The following PRSS21 variants were observed in gnomAD, a reference collection of about 807,000 sequenced individuals.
PRSS21 encodes the protein testisin.
Under a neutral mutation model 31.1 loss-of-function variants are expected in PRSS21, and 40 were observed. The ratio of observed to expected loss-of-function variants is 1.29; its 90% CI spans 1.00 to 1.68. PRSS21 has a LOEUF of 1.68. Ranked by LOEUF, PRSS21 falls within the 40% of genes most tolerant of loss-of-function variation. PRSS21 has a pLI of 0.00. For synonymous variants in PRSS21, 186 were observed against 167.7 expected (o/e 1.11, Z -0.84); for missense variants, 467 against 412.6 (o/e 1.13, Z -1.14).
Position 2,819,907 on chromosome 16 carries a change from A to C in PRSS21, c.550+938A>C, listed in dbSNP as rs374888373. Among the ~76,000 whole-genome samples the C allele has an allele frequency of 3.3e-4, 51 of 152,264 alleles. No individual in the cohort carries two copies. The East Asian group carries it at 7.5e-3, about 23-fold the overall frequency. ...GGCAGTTGGGAGTGGGGAACTCAGC[A>C]CTGGAGCCGCCTCCCTCTGGAGGAG... On this transcript the variant is annotated intron_variant, in intron 4 of 5. Transcript: ENST00000005995.
Position 2,817,622 on chromosome 16 carries a change from C to A in PRSS21, c.91+166C>A. The A allele has an allele frequency of 7.8e-7, 1 of 1,276,694 alleles. No individual in the cohort carries two copies. The highest frequency in any genetic ancestry group is 1.1e-6 in the Non-Finnish European group (1 of 941,314). The allele number at this position is 1,276,694 out of a possible 1,614,324, so 79.1% of individuals were successfully genotyped here. A position where few individuals can be genotyped will look rare whatever the true frequency, so the allele number is the denominator to read the frequency against. On this transcript the variant is annotated intron_variant, in intron 2 of 5. Transcript: ENST00000005995. The surrounding 1 kb of genome is among the most constrained non-coding windows in gnomAD (Gnocchi z 4.2). Reference sequence around the variant, plus strand: ...CTAACGGACGCTGGAGGGGGATGGGCGGGCCCTGCAGAGCACGTGGGAGGA... The same window carrying A: ...CTAACGGACGCTGGAGGGGGATGGGAGGGCCCTGCAGAGCACGTGGGAGGA...
At chr16:2,820,510 G>A (rs1357591549) in intron 4 of PRSS21, among the ~76,000 whole-genome samples, 2 of 152,234 alleles carry the variant, frequency 1.3e-5, no homozygotes, top group South Asian at 4.1e-4. Context: ...GGTGCTGGGG[G>A]TCCCTAAGAG....
At chr16:2,821,167 A>T (rs1033284383) in intron 5 of PRSS21, 58 bp downstream of exon 5, 26 of 1,602,006 alleles carry the variant, frequency 1.6e-5, no homozygotes, top group Non-Finnish European at 2.0e-5. Context: ...CCTGTGCCTT[A>T]TTTGACCCTC....
intron 3 of PRSS21, 65 bp from the exon 4 acceptor site, chr16:2,818,612 C>A (rs1272291838): frequency 8.6e-6 from 13 of 1,509,256 alleles, no homozygotes; most frequent in Non-Finnish European, 1.2e-5. Context: ...GCACTGGACC[C>A]CAGTTGTGCT....
chr16:2,821,228 A>T (rs2069170071), intron 5 of PRSS21, 119 bp downstream of exon 5: 1 of 1,539,740 alleles, frequency 6.5e-7, no homozygotes, highest in Non-Finnish European at 8.8e-7. Flanking sequence ...AGATGCAGAA[A>T]CGGAGGCTTG....
rs779705343 is a variant in PRSS21 at position 2,817,484 on chromosome 16, G to A, written c.91+28G>A. On this transcript the variant is annotated intron_variant, in intron 2 of 5. Transcript: ENST00000005995. The surrounding 1 kb of genome is among the most constrained non-coding windows in gnomAD (Gnocchi z 4.2). ...AGGGCGCCCAGGACGCGCGATTCCT[G>A]CCAGGGCCGTTGGGCCGAGGTGGAC... 1 of 1,537,450 alleles carries A rather than the reference G, an allele frequency of 6.5e-7. No homozygotes were observed. The highest frequency in any genetic ancestry group is 2.6e-5 in the East Asian group (1 of 38,438).
At chr16:2,820,922 CTG>C (rs1293689418) in intron 4 of PRSS21, 31 bp from the exon 5 acceptor site, 2 of 1,606,370 alleles carry the variant, frequency 1.2e-6, no homozygotes, top group East Asian at 2.2e-5. Flanking sequence ...CCTCAGGTTG[CTG>C]TCTCTCTCCT....
intron 4 of PRSS21, 30 bp from the exon 5 acceptor site, chr16:2,820,921 GCTGT>G (rs1567275612): frequency 6.2e-7 from 1 of 1,605,862 alleles, no homozygotes; most frequent in Non-Finnish European, 8.5e-7. Flanking sequence ...GCCTCAGGTT[GCTGT>G]CTCTCTCCTT....
In PRSS21 at chr16:2,821,488, C is replaced by G; in HGVS notation, c.828C>G (p.His276Gln). 1 of 1,614,264 alleles carries G rather than the reference C, an allele frequency of 6.2e-7. No individual in the cohort carries two copies. Among genetic ancestry groups the G allele is most frequent in the Non-Finnish European group, 8.5e-7 (1 of 1,180,044 alleles). The part of the protein sequence containing the change: ...NRPGVYTNIS[H>Q]HFEWIQKLMA... ...CCGGTGTCTACACCAATATCAGCCA[C>G]CACTTTGAGTGGATCCAGAAGCTGA... is the stretch of plus-strand genomic sequence containing the variant. Residue 276 changes from histidine to glutamine, a missense_variant, in exon 6 of 6, where the codon CAC (histidine) becomes CAG (glutamine). His to Gln is a conservative substitution (Grantham distance 24). Coordinates refer to ENST00000005995, the MANE Select transcript of PRSS21 (RefSeq NM_006799.4).
chr16:2,819,640 C>T (rs998286132), intron 4 of PRSS21, among the ~76,000 whole-genome samples: 3 of 152,256 alleles, frequency 2.0e-5, no homozygotes, highest in East Asian at 1.9e-4. Context: ...CAATAACAAA[C>T]GTGGTTCCTT....
chr16:2,818,934 G>T lies in PRSS21; in HGVS notation c.515G>T (p.Trp172Leu). 1 of 1,614,206 alleles carries T rather than the reference G, an allele frequency of 6.2e-7. No homozygotes were observed. The highest frequency in any genetic ancestry group is 8.5e-7 in the Non-Finnish European group (1 of 1,180,022). ...GAGTTTGAGAACCGGACAGACTGCTGGGTGACTGGCTGGGGGTACATCAAA... is the reference window on the plus strand; with the variant it reads ...GAGTTTGAGAACCGGACAGACTGCTTGGTGACTGGCTGGGGGTACATCAAA... ...TFEFENRTDC[W>L]VTGWGYIKED... The change falls in exon 4 of 6, where the codon TGG (tryptophan) becomes TTG (leucine). Residue 172 changes from tryptophan to leucine, a missense_variant. Trp to Leu is a moderately conservative substitution (Grantham distance 61, BLOSUM62 -2). Transcript: ENST00000005995.
chr16:2,818,026 G>A, intron 3 of PRSS21, 60 bp downstream of exon 3: 2 of 1,502,598 alleles, frequency 1.3e-6, no homozygotes, highest in South Asian at 1.2e-5. Context: ...TGGAGGGAGT[G>A]CCACCGAACT....
Position 2,818,725 on chromosome 16 carries a change from G to C in PRSS21, c.306G>C (p.Gln102His), listed in dbSNP as rs1047527932. ...DPSGWMVQFG[Q>H]LTSMPSFWSL... The stretch of plus-strand genomic sequence containing the variant: ...CCGGGTGGATGGTCCAGTTTGGCCA[G>C]CTGACTTCCATGCCATCCTTCTGGA... The change falls in exon 4 of 6, where the codon CAG becomes CAC. Residue 102 changes from glutamine to histidine, a missense_variant. Physicochemically the swap from Gln to His is conservative, Grantham distance 24 (BLOSUM62 0). Coordinates refer to ENST00000005995, the MANE Select transcript of PRSS21 (RefSeq NM_006799.4). 9 of 1,614,160 alleles carry C rather than the reference G, an allele frequency of 5.6e-6. No homozygotes were observed. The highest frequency in any genetic ancestry group is 6.8e-6 in the Non-Finnish European group (8 of 1,179,988).
At chr16:2,819,360 C>T (rs1027172478) in intron 4 of PRSS21, among the ~76,000 whole-genome samples, 14 of 152,274 alleles carry the variant, frequency 9.2e-5, no homozygotes, top group African/African-American at 2.6e-4. Flanking sequence ...TAGCTCTGGC[C>T]GATTCTCCTG....
chr16:2,818,113 C>T, intron 3 of PRSS21, 147 bp downstream of exon 3: 1 of 1,074,664 alleles, frequency 9.3e-7, no homozygotes, highest in East Asian at 2.6e-5. Flanking sequence ...GAGCCCCAGG[C>T]TGTGCTGCAG....
At position 2,817,601 on chromosome 16, in the gene PRSS21, C is replaced by G; in HGVS notation, c.91+145C>G. On this transcript the variant is annotated intron_variant, in intron 2 of 5. Transcript: ENST00000005995. This position sits in a 1 kb window ranked among gnomAD's most constrained non-coding sequence, Gnocchi z 4.2. Reference sequence around the variant, plus strand: ...CTCTGTTGGCGTGGAAAGTAACTAACGGACGCTGGAGGGGGATGGGCGGGC... The same window carrying G: ...CTCTGTTGGCGTGGAAAGTAACTAAGGGACGCTGGAGGGGGATGGGCGGGC... 2.2e-6 allele frequency: 3 copies of G among 1,344,930 alleles called. No individual in the cohort carries two copies. The highest frequency in any genetic ancestry group is 3.0e-6 in the Non-Finnish European group (3 of 1,004,514). The allele number at this position is 1,344,930 out of a possible 1,614,324, so 83.3% of individuals were successfully genotyped here.
intron 4 of PRSS21, among the ~76,000 whole-genome samples, chr16:2,820,610 G>C (rs1045675196): frequency 6.6e-6 from 1 of 152,190 alleles, no homozygotes; most frequent in Non-Finnish European, 1.5e-5. Flanking sequence ...CCCAGGTCTG[G>C]CTTTGGATGC....
Position 2,820,949 on chromosome 16 carries a change from G to A in PRSS21, c.551-6G>A, listed in dbSNP as rs72768779. On this transcript the variant is annotated splice_region_variant and splice_polypyrimidine_tract_variant and intron_variant, in intron 4 of 5. Transcript: ENST00000005995. ...GTCTCTCTCCTTCCCACTATCGTCC[G>A]CACAGCACTGCCATCTCCCCACACC... 33,692 of 1,612,526 alleles carry A rather than the reference G, an allele frequency of 0.021. 408 individuals are homozygous for A. The highest frequency in any genetic ancestry group is 0.025 in the Non-Finnish European group (28,964 of 1,179,634).
Position 2,820,983 on chromosome 16 carries a change from A to T in PRSS21, c.579A>T (p.Glu193Asp). ...TGCCATCTCCCCACACCCTCCAGGA[A>T]GTTCAGGTCGCCATCATAAACAACT... is the stretch of plus-strand genomic sequence containing the variant. ...EALPSPHTLQ[E>D]VQVAIINNSM... The change falls in exon 5 of 6, where the codon GAA becomes GAT. Residue 193 changes from glutamate (E) to aspartate (D), a missense_variant. Coordinates refer to ENST00000005995, the MANE Select transcript of PRSS21 (RefSeq NM_006799.4). 1.2e-6 allele frequency: 2 copies of T among 1,613,968 alleles called. No homozygotes were observed. Among genetic ancestry groups the T allele is most frequent in the Non-Finnish European group, 1.7e-6 (2 of 1,179,982 alleles).
Sources: gnomAD v4.1 joint callset for allele counts (sites outside exome capture counted in the v4.1 genomes callset) on GRCh38, gnomAD v4.1.1 for gene constraint, Gnocchi (gnomAD v3.1) non-coding constraint, MANE v1.5 for transcripts, NCBI Gene and HGNC (gene_info 2026-07-23, HGNC 2026-07-21) for gene names.